Variants in DCDC2 observed in about 807,000 individuals in gnomAD.
DCDC2 encodes the protein doublecortin domain-containing protein 2.
A neutral mutation model predicts 50.2 loss-of-function variants in DCDC2; 40 were observed. That is an observed-to-expected ratio of 0.80 (90% CI 0.62 to 1.04). DCDC2 has a LOEUF of 1.04. Ranked by LOEUF, DCDC2 falls within the 50% of genes least tolerant of loss-of-function variation. The pLI, the probability that DCDC2 is intolerant of heterozygous loss-of-function variation, is 0.00. For synonymous variants in DCDC2, 234 were observed against 210.6 expected (o/e 1.11, Z -0.96); for missense variants, 570 against 581.9 (o/e 0.98, Z 0.21).
intron 2 of DCDC2, among the ~76,000 whole-genome samples, chr6:24,329,379 C>T (rs565783798): frequency 1.3e-5 from 2 of 152,252 alleles, no homozygotes; most frequent in Admixed American, 1.3e-4. Context: ...GAAAAACAAG[C>T]TGAATTAAAT....
chr6:24,318,480 G>C (rs978872611), intron 2 of DCDC2, among the ~76,000 whole-genome samples: 3 of 151,986 alleles, frequency 2.0e-5, no homozygotes, highest in African/African-American at 7.2e-5. Flanking sequence ...GTGAAGTTTG[G>C]ACTTTTAGTG....
chr6:24,202,101 T>C (rs185899701), intron 8 of DCDC2, among the ~76,000 whole-genome samples: 19 of 151,998 alleles, frequency 1.3e-4, no homozygotes, highest in African/African-American at 7.2e-5. Context: ...TTCCAAACAA[T>C]AGAAAAAGAA....
At chr6:24,309,152 C>T (rs1325669624) in intron 2 of DCDC2, among the ~76,000 whole-genome samples, 1 of 151,880 alleles carries the variant, frequency 6.6e-6, no homozygotes, top group Non-Finnish European at 1.5e-5. Context: ...GGTGAAACCC[C>T]ATCTCTACTA....
chr6:24,225,257 T>C (rs547957716), intron 7 of DCDC2, among the ~76,000 whole-genome samples: 1 of 152,288 alleles, frequency 6.6e-6, no homozygotes, highest in South Asian at 2.1e-4. Flanking sequence ...CCATTTCAGT[T>C]AGATATACGA....
At chr6:24,290,215 G>T (rs927279548) in intron 5 of DCDC2, among the ~76,000 whole-genome samples, 4 of 151,002 alleles carry the variant, frequency 2.6e-5, no homozygotes, top group African/African-American at 9.7e-5. Context: ...GGATGGTCTC[G>T]ATCTCCTGAC....
At chr6:24,221,674 C>A (rs559775095) in intron 7 of DCDC2, among the ~76,000 whole-genome samples, 2 of 152,218 alleles carry the variant, frequency 1.3e-5, no homozygotes, top group South Asian at 2.1e-4. Flanking sequence ...ATGTCTACTA[C>A]GTGCTAAGTC....
chr6:24,235,928 A>G (rs576417506), intron 7 of DCDC2, among the ~76,000 whole-genome samples: 1 of 152,120 alleles, frequency 6.6e-6, no homozygotes, highest in Non-Finnish European at 1.5e-5. Context: ...TACAAGGAGA[A>G]CTACACTGCT....
intron 7 of DCDC2, among the ~76,000 whole-genome samples, chr6:24,271,224 A>AAAAAAAAAG (rs919124775): frequency 6.1e-4 from 87 of 142,970 alleles, no homozygotes; most frequent in African/African-American, 2.1e-3. Flanking sequence ...AAAAAAAAAA[A>AAAAAAAAAG]AGAGAGAGAG....
the DCDC2 span, among the ~76,000 whole-genome samples, chr6:24,367,574 C>T: frequency 2.6e-5 from 4 of 152,146 alleles, no homozygotes; most frequent in Non-Finnish European, 5.9e-5. Context: ...AGTTATGGAA[C>T]CTAATTAACT....
chr6:24,276,502 T>G (rs1317395116), intron 7 of DCDC2, among the ~76,000 whole-genome samples: 1 of 152,084 alleles, frequency 6.6e-6, no homozygotes, highest in Non-Finnish European at 1.5e-5. Context: ...TAAACTTCCA[T>G]CATTCATTCA....
chr6:24,237,209 A>C (rs1290698300), intron 7 of DCDC2, among the ~76,000 whole-genome samples: 1 of 151,902 alleles, frequency 6.6e-6, no homozygotes. Context: ...TCAGGCCCTA[A>C]TTGAGAGCAG....
intron 8 of DCDC2, among the ~76,000 whole-genome samples, chr6:24,200,886 C>T (rs112965528): frequency 0.012 from 1,802 of 150,604 alleles, 38 homozygotes; most frequent in African/African-American, 0.041. Context: ...AGACTTTAAG[C>T]CAACAAAGAA....
chr6:24,304,963 T>G (rs1219208850), intron 2 of DCDC2, among the ~76,000 whole-genome samples: 1 of 152,240 alleles, frequency 6.6e-6, no homozygotes, highest in Non-Finnish European at 1.5e-5. Context: ...GAGGATGCTC[T>G]GCTGTTATCT....
chr6:24,324,016 C>T (rs1346370910), intron 2 of DCDC2, among the ~76,000 whole-genome samples: 3 of 152,098 alleles, frequency 2.0e-5, no homozygotes, highest in Admixed American at 6.6e-5. Context: ...TTTTCACATA[C>T]CAAGCTTATT....
chr6:24,206,656 A>C (rs1761722415), intron 7 of DCDC2, among the ~76,000 whole-genome samples: 1 of 152,214 alleles, frequency 6.6e-6, no homozygotes, highest in Non-Finnish European at 1.5e-5. Context: ...ACTGTATCCA[A>C]GCGGAGCTAC....
chr6:24,282,995 G>T (rs1763511801), intron 6 of DCDC2, among the ~76,000 whole-genome samples: 1 of 149,458 alleles, frequency 6.7e-6, no homozygotes, highest in African/African-American at 2.5e-5. Flanking sequence ...CAAAACCGTA[G>T]AAATCATAAT....
intron 7 of DCDC2, among the ~76,000 whole-genome samples, chr6:24,221,692 C>G (rs1275360686): frequency 1.3e-5 from 2 of 152,214 alleles, no homozygotes; most frequent in African/African-American, 4.8e-5. Context: ...GTCCTTGCCT[C>G]ACAATTACCT....
chr6:24,302,779 T>G (rs1161759719), intron 2 of DCDC2, among the ~76,000 whole-genome samples: 1 of 152,006 alleles, frequency 6.6e-6, no homozygotes, highest in African/African-American at 2.4e-5. Flanking sequence ...CAGCCAGCCC[T>G]CCACTCCTCC....
upstream of DCDC2, among the ~76,000 whole-genome samples, chr6:24,359,897 C>T (rs1760634940): frequency 1.3e-5 from 2 of 152,214 alleles, no homozygotes; most frequent in African/African-American, 4.8e-5. Flanking sequence ...AGACAGCAGG[C>T]AGCGCGCAAG....
Sources: gnomAD v4.1 joint callset for allele counts (sites outside exome capture counted in the v4.1 genomes callset) on GRCh38, gnomAD v4.1.1 for gene constraint, MANE v1.5 for transcripts, NCBI Gene and HGNC (gene_info 2026-07-23, HGNC 2026-07-21) for gene names.